Variants in THSD7B observed in about 807,000 individuals in gnomAD.
THSD7B encodes thrombospondin type 1 domain containing 7B.
In THSD7B, 138 loss-of-function variants were observed where a neutral mutation model predicts 213.6. The observed-to-expected ratio is 0.65, with a 90% confidence interval of 0.56 to 0.74. THSD7B has a LOEUF of 0.74. THSD7B is among the 30% of genes least tolerant of loss of function. THSD7B has a pLI of 0.00. For missense variants in THSD7B, 1,931 were observed against 1,991.5 expected, an observed-to-expected ratio of 0.97 and a Z score of 0.58; for synonymous variants, 742 against 687.0, an observed-to-expected ratio of 1.08 and a Z score of -1.25.
intron 2 of THSD7B, among the ~76,000 whole-genome samples, chr2:136,956,697 TG>T (rs1685131834): frequency 6.6e-6 from 1 of 151,258 alleles, no homozygotes; most frequent in Admixed American, 6.6e-5. Flanking sequence ...TTTTTTTTTT[TG>T]AGACAGAGTC....
chr2:136,832,287 T>C (rs1682770804), intron 1 of THSD7B, among the ~76,000 whole-genome samples: 1 of 151,992 alleles, frequency 6.6e-6, no homozygotes, highest in South Asian at 2.1e-4. Flanking sequence ...ATATGCCATC[T>C]GCAAGCTGGA....
At chr2:137,058,462 G>C (rs1222231565) in intron 3 of THSD7B, among the ~76,000 whole-genome samples, 1 of 151,942 alleles carries the variant, frequency 6.6e-6, no homozygotes, top group African/African-American at 2.4e-5. Context: ...TTTTTTAATA[G>C]ACTTGATTTT....
intron 12 of THSD7B, among the ~76,000 whole-genome samples, chr2:137,377,079 A>G (rs915542473): frequency 6.6e-6 from 1 of 152,188 alleles, no homozygotes; most frequent in Non-Finnish European, 1.5e-5. Context: ...ATACACTAAA[A>G]TGCAATTGAT....
intron 15 of THSD7B, among the ~76,000 whole-genome samples, chr2:137,549,398 G>GACTC (rs1251906234): frequency 7.1e-6 from 1 of 140,546 alleles, no homozygotes; most frequent in Non-Finnish European, 1.5e-5. Context: ...CTGTGGCGCA[G>GACTC]ACTCACTCAC....
At chr2:137,289,179 A>G (rs191714447) in intron 12 of THSD7B, among the ~76,000 whole-genome samples, 1 of 152,044 alleles carries the variant, frequency 6.6e-6, no homozygotes, top group Non-Finnish European at 1.5e-5. Flanking sequence ...GTTTTTTTTA[A>G]AGTAAGTGAG....
At chr2:137,102,365 CA>C (rs144485482) in intron 4 of THSD7B, among the ~76,000 whole-genome samples, 27,559 of 152,142 alleles carry the variant, frequency 0.18, 2,710 homozygotes, top group African/African-American at 0.23. Flanking sequence ...GACATCCACA[CA>C]AAAACCCCAT....
At chr2:137,336,099 G>A (rs921316597) in intron 12 of THSD7B, among the ~76,000 whole-genome samples, 61 of 108,044 alleles carry the variant, frequency 5.6e-4, no homozygotes, top group African/African-American at 1.5e-3. Context: ...GACAGAAGAG[G>A]GAAGTCCACA....
chr2:137,015,224 G>A (rs867771079), intron 2 of THSD7B, among the ~76,000 whole-genome samples: 3 of 152,076 alleles, frequency 2.0e-5, no homozygotes, highest in African/African-American at 4.8e-5. Flanking sequence ...TAGAGGACAC[G>A]TGTCTCATTC....
At chr2:137,282,721 G>A (rs1196662136) in intron 12 of THSD7B, among the ~76,000 whole-genome samples, 1 of 152,118 alleles carries the variant, frequency 6.6e-6, no homozygotes, top group African/African-American at 2.4e-5. Context: ...TTGTAGATGT[G>A]TGGTATTATT....
chr2:137,388,004 A>C (rs935636237), intron 12 of THSD7B, among the ~76,000 whole-genome samples: 1 of 152,184 alleles, frequency 6.6e-6, no homozygotes, highest in African/African-American at 2.4e-5. Flanking sequence ...ATACATTTGT[A>C]ATTGTTCACA....
At chr2:137,630,214 G>A (rs72983490) in intron 20 of THSD7B, among the ~76,000 whole-genome samples, 2 of 152,050 alleles carry the variant, frequency 1.3e-5, no homozygotes, top group East Asian at 3.9e-4. Flanking sequence ...GGCTGGTCTT[G>A]AACTCCTGAG....
At chr2:136,828,127 C>G (rs1397347433) in intron 1 of THSD7B, among the ~76,000 whole-genome samples, 2 of 152,126 alleles carry the variant, frequency 1.3e-5, no homozygotes, top group Admixed American at 1.3e-4. Context: ...TTATCTGCCA[C>G]CTGACCCCAC....
At chr2:137,670,789 C>T (rs917151562) in intron 27 of THSD7B, among the ~76,000 whole-genome samples, 14 of 151,902 alleles carry the variant, frequency 9.2e-5, no homozygotes, top group South Asian at 4.2e-4. Context: ...GGTGTGGTGG[C>T]GGGCGCCTGT....
chr2:137,256,147 C>T (rs1296115464), intron 10 of THSD7B, among the ~76,000 whole-genome samples: 3 of 152,100 alleles, frequency 2.0e-5, no homozygotes, highest in Non-Finnish European at 4.4e-5. Context: ...TGAATGGTGA[C>T]TGCCACAAAG....
rs934270379 is a variant in THSD7B, at chr2:137,676,783, T to G, written c.*178T>G. 7 of 521,718 alleles carry G rather than the reference T, an allele frequency of 1.3e-5. No individual in the cohort carries two copies. The highest frequency in any genetic ancestry group is 3.1e-4 in the Middle Eastern group (1 of 3,244). The allele number at this position is 521,718 out of a possible 1,614,324, so 32.3% of individuals were successfully genotyped here. A position where few individuals can be genotyped will look rare whatever the true frequency, so the allele number is the denominator to read the frequency against. ...GGACATGGAGTCAAGGATTATTAGGTCTGCCATTTTGTTTTCAAGTTGTTT... is the reference window on the plus strand; with the variant it reads ...GGACATGGAGTCAAGGATTATTAGGGCTGCCATTTTGTTTTCAAGTTGTTT... On this transcript the variant is annotated 3_prime_UTR_variant, in exon 28 of 28. Transcript: ENST00000409968.
At chr2:136,862,205 C>T (rs772875735) in intron 1 of THSD7B, among the ~76,000 whole-genome samples, 1 of 152,144 alleles carries the variant, frequency 6.6e-6, no homozygotes, top group Non-Finnish European at 1.5e-5. Flanking sequence ...TCAGTAGAGT[C>T]CATCTTGGAG....
intron 27 of THSD7B, among the ~76,000 whole-genome samples, chr2:137,675,158 C>G (rs1006604063): frequency 6.6e-6 from 1 of 151,784 alleles, no homozygotes; most frequent in African/African-American, 2.4e-5. Flanking sequence ...TGAATGGCTA[C>G]CAGGGGCTGA....
At chr2:136,770,664 C>T (rs1045567654) in intron 1 of THSD7B, among the ~76,000 whole-genome samples, 6 of 152,146 alleles carry the variant, frequency 3.9e-5, no homozygotes, top group African/African-American at 1.4e-4. Context: ...TTGGCTTATG[C>T]CCCAGACCTA....
chr2:136,981,889 C>T (rs2104808266), intron 2 of THSD7B, among the ~76,000 whole-genome samples: 1 of 152,306 alleles, frequency 6.6e-6, no homozygotes, highest in Admixed American at 6.5e-5. Flanking sequence ...TTGTGTTGCT[C>T]ATTTGTTGTC....
Sources: allele counts gnomAD v4.1 joint callset (sites outside exome capture counted in the v4.1 genomes callset), GRCh38; gene constraint gnomAD v4.1.1; transcripts MANE v1.5; gene names NCBI Gene and HGNC (gene_info 2026-07-23, HGNC 2026-07-21).